Variants in ABCC6 observed in about 807,000 individuals in gnomAD.
ABCC6 encodes the protein ATP binding cassette subfamily C member 6.
Under a neutral mutation model 169.5 loss-of-function variants are expected in ABCC6, and 126 were observed. The ratio of observed to expected loss-of-function variants is 0.74; its 90% CI spans 0.64 to 0.86. The LOEUF (loss-of-function observed/expected upper bound fraction) is 0.86. Ranked by LOEUF, ABCC6 falls within the 40% of genes least tolerant of loss-of-function variation. ABCC6 has a pLI of 0.00. For missense variants in ABCC6, 1,733 were observed against 1,927.2 expected (o/e 0.90, Z 1.89); for synonymous variants, 752 against 814.7 (o/e 0.92, Z 1.31).
At chr16:16,205,592 A>G (rs1489208104) in intron 7 of ABCC6, among the ~76,000 whole-genome samples, 1 of 152,040 alleles carries the variant, frequency 6.6e-6, no homozygotes, top group Non-Finnish European at 1.5e-5. Flanking sequence ...GCTGCTCACA[A>G]ATATTTTGGC....
Position 16,221,941 on chromosome 16 carries a change from T to C in ABCC6, c.37-110A>G, listed in dbSNP as rs1395833811. On this transcript the variant is annotated intron_variant, in intron 1 of 30. Coordinates refer to ENST00000205557, the MANE Select transcript of ABCC6 (RefSeq NM_001171.6). Reference sequence around the variant, plus strand: ...GATCTTTAACATTTACACAAAAATGTACCAAGTACTCTTTGGAATACCTAC... The same window carrying C: ...GATCTTTAACATTTACACAAAAATGCACCAAGTACTCTTTGGAATACCTAC... The C allele has an allele frequency of 4.5e-6, 7 of 1,571,182 alleles. No individual in the cohort carries two copies. In the African/African-American group the frequency reaches 9.4e-5, roughly 21 times the overall value.
intron 13 of ABCC6, among the ~76,000 whole-genome samples, chr16:16,188,082 C>T (rs1432281355): frequency 6.6e-6 from 1 of 151,438 alleles, no homozygotes; most frequent in African/African-American, 2.4e-5. Context: ...ACTAAAAACA[C>T]AATAAATAAA....
chr16:16,179,088 T>G, intron 17 of ABCC6, 123 bp from the exon 18 acceptor site: 1 of 1,109,148 alleles, frequency 9.0e-7, no homozygotes, highest in Non-Finnish European at 1.3e-6. Context: ...ACATGCCTAT[T>G]CCCTGGGGAC....
intron 11 of ABCC6, among the ~76,000 whole-genome samples, chr16:16,191,381 G>T (rs543970635): frequency 1.3e-5 from 2 of 152,188 alleles, no homozygotes; most frequent in African/African-American, 4.8e-5. Flanking sequence ...CTCCCAAAGT[G>T]CTGGGATTAC....
At chr16:16,172,846 C>T (rs2047159037) in intron 21 of ABCC6, among the ~76,000 whole-genome samples, 2 of 151,870 alleles carry the variant, frequency 1.3e-5, no homozygotes, top group African/African-American at 4.8e-5. Context: ...AGTTCCAGAC[C>T]AACCTGGGCA....
chr16:16,159,563 C>A lies in ABCC6; in HGVS notation c.3654G>T (p.Trp1218Cys), dbSNP rs775947674. 6.8e-6 allele frequency: 11 copies of A among 1,614,146 alleles called. No homozygotes were observed. The South Asian group carries it at 9.9e-5, about 14-fold the overall frequency. ...CTAGGTCTGTCCAGTTGCGAACAAC[C>A]CACTGCAGTGTCTGGGTCACCTGGT... is the stretch of plus-strand genomic sequence containing the variant. ...AALQVTQTLQ[W>C]VVRNWTDLEN... The change falls in exon 26 of 31, where the codon TGG becomes TGT. Residue 1218 changes from tryptophan (W) to cysteine (C), a missense_variant. Physicochemically the swap from Trp to Cys is radical, Grantham distance 215. Coordinates refer to ENST00000205557, the MANE Select transcript of ABCC6 (RefSeq NM_001171.6).
chr16:16,188,867 CTGGG>C lies in ABCC6; in HGVS notation c.1739_1742del (p.Ala580GlyfsTer35). On this transcript the variant is annotated frameshift_variant, in exon 13 of 31. Transcript: ENST00000205557. LOFTEE classifies it high-confidence loss of function. The stretch of plus-strand genomic sequence containing the variant: ...AGTGGATGGAGAAGGGCAGGAAAGC[CTGGG>C]CCTTGTTGAGGATGTTGAGAACTGT... 6.2e-7 allele frequency: 1 copy of C among 1,614,164 alleles called. No individual in the cohort carries two copies. The highest frequency in any genetic ancestry group is 8.5e-7 in the Non-Finnish European group (1 of 1,180,038).
At chr16:16,185,060 A>T in intron 14 of ABCC6, 26 bp from the exon 15 acceptor site, 1 of 1,605,790 alleles carries the variant, frequency 6.2e-7, no homozygotes. Context: ...GGCCATTTAC[A>T]GGAGACCCCT....
intron 11 of ABCC6, 55 bp from the exon 12 acceptor site, chr16:16,190,422 C>T: frequency 6.3e-7 from 1 of 1,593,886 alleles, no homozygotes; most frequent in Middle Eastern, 1.8e-4. Context: ...GAACTCTTCC[C>T]TGCACCCTGA....
At position 16,177,478 on chromosome 16, in the gene ABCC6, C is replaced by A. The variant is rs1298204795; in HGVS notation, c.2564G>T (p.Arg855Ile). 6.2e-7 allele frequency: 1 copy of A among 1,614,188 alleles called. No homozygotes were observed. Among genetic ancestry groups the A allele is most frequent in the Non-Finnish European group, 8.5e-7 (1 of 1,180,050 alleles). Residue 855 changes from arginine (R) to isoleucine (I), a missense_variant, in exon 19 of 31, where the codon AGA becomes ATA. This residue lies in a region of ABCC6 where 1,601 missense variants were observed against 1,635.5 expected (regional missense o/e 0.98). Transcript: ENST00000205557. ...GALMCLLDQARQPGDRGEGET... is the reference protein window; with the variant it reads ...GALMCLLDQAIQPGDRGEGET... ...TCCTTCTCCTCTATCTCCTGGCTGT[C>A]TGGCTTGATCCAGAAGACACATGAG... is the stretch of plus-strand genomic sequence containing the variant.
intron 10 of ABCC6, among the ~76,000 whole-genome samples, chr16:16,195,653 T>A (rs2048013498): frequency 6.6e-6 from 1 of 151,990 alleles, no homozygotes; most frequent in Non-Finnish European, 1.5e-5. Flanking sequence ...GTCAACCTGA[T>A]CAATTGCCCT....
At chr16:16,189,212 C>G (rs373929613) in intron 12 of ABCC6, among the ~76,000 whole-genome samples, 1 of 152,200 alleles carries the variant, frequency 6.6e-6, no homozygotes, top group African/African-American at 2.4e-5. Context: ...TGCGCAGCCC[C>G]ACGGCTCTAG....
At chr16:16,173,462 G>A in intron 20 of ABCC6, 58 bp from the exon 21 acceptor site, 5 of 1,611,434 alleles carry the variant, frequency 3.1e-6, no homozygotes, top group Non-Finnish European at 4.2e-6. Context: ...TGGGGTGTAT[G>A]TGCCTAACCC....
chr16:16,150,885 C>A, intron 29 of ABCC6, 113 bp from the exon 30 acceptor site: 1 of 1,530,028 alleles, frequency 6.5e-7, no homozygotes, highest in Non-Finnish European at 8.8e-7. Context: ...TGCCTGTGTT[C>A]AGGCATCCCC....
At chr16:16,187,034 C>G (rs541176937) in intron 14 of ABCC6, 90 bp downstream of exon 14, 112 of 1,159,358 alleles carry the variant, frequency 9.7e-5, no homozygotes, top group Non-Finnish European at 1.2e-4. Context: ...CATCTCCCCC[C>G]AGTACTGATG....
Position 16,202,046 on chromosome 16 carries a change from C to T in ABCC6, c.1131G>A (p.Leu377=), listed in dbSNP as rs1446083966. Residue 377 remains leucine (L), a synonymous_variant, in exon 9 of 31, where the codon CTG becomes CTA. Coordinates refer to ENST00000205557, the MANE Select transcript of ABCC6 (RefSeq NM_001171.6). Reference sequence around the variant, plus strand: ...TGATGGCCGACCGCAACCTCATCTGCAGCACCTTGAGCCTGTACATGTTCT... The same window carrying T: ...TGATGGCCGACCGCAACCTCATCTGTAGCACCTTGAGCCTGTACATGTTCT... ...EQQNMYRLKV[L]QMRLRSAITG... The T allele has an allele frequency of 6.2e-7, 1 of 1,614,020 alleles. No individual in the cohort carries two copies. Among genetic ancestry groups the T allele is most frequent in the East Asian group, 2.2e-5 (1 of 44,886 alleles).
In ABCC6 at chr16:16,157,553, C is replaced by A. The variant is rs1318502120; in HGVS notation, c.3882+110G>T. 3.5e-6 allele frequency: 5 copies of A among 1,415,298 alleles called. No individual in the cohort carries two copies. In the African/African-American group the frequency reaches 4.2e-5, roughly 12 times the overall value. 87.7% of individuals were successfully genotyped at this position (1,415,298 alleles called of 1,614,324 possible). On this transcript the variant is annotated intron_variant, in intron 27 of 30. Transcript: ENST00000205557. ...GGTAATGGGTCTGAAAGCTAGGGGACCTGAGGTGGGGACACTGTGGAGGTG... is the reference window on the plus strand; with the variant it reads ...GGTAATGGGTCTGAAAGCTAGGGGAACTGAGGTGGGGACACTGTGGAGGTG...
chr16:16,194,968 C>T (rs1448616646), intron 10 of ABCC6, among the ~76,000 whole-genome samples: 2 of 152,112 alleles, frequency 1.3e-5, no homozygotes, highest in East Asian at 1.9e-4. Flanking sequence ...GTTTGAGCCA[C>T]CCCACCTGGC....
chr16:16,159,821 T>A (rs1166247820), intron 25 of ABCC6, among the ~76,000 whole-genome samples: 2 of 152,102 alleles, frequency 1.3e-5, no homozygotes, highest in Non-Finnish European at 2.9e-5. Context: ...CCCTCAGACA[T>A]CAGCTTGTAC....
Sources: gnomAD v4.1 joint callset for allele counts (sites outside exome capture counted in the v4.1 genomes callset) on GRCh38, gnomAD v4.1.1 for gene constraint, gnomAD v4.1.1 regional missense constraint, MANE v1.5 for transcripts, NCBI Gene and HGNC (gene_info 2026-07-23, HGNC 2026-07-21) for gene names.